Variants in DMXL2 observed in about 807,000 individuals in gnomAD.
The protein encoded by DMXL2 is Dmx like 2.
A neutral mutation model predicts 331.1 loss-of-function variants in DMXL2; 103 were observed. That is an observed-to-expected ratio of 0.31 (90% confidence interval 0.27 to 0.37). DMXL2 has a LOEUF of 0.37. Ranked by LOEUF, DMXL2 falls within the 10% of genes least tolerant of loss-of-function variation. The probability of loss-of-function intolerance (pLI) is 1.00; values close to 1 mark genes in which losing one functional copy is unlikely to be tolerated. For missense variants in DMXL2, 3,171 were observed against 3,642.9 expected (o/e 0.87, Z 3.33); for synonymous variants, 1,281 against 1,252.1 (o/e 1.02, Z -0.49).
At chr15:51,455,108 A>G in intron 40 of DMXL2, 43 bp downstream of exon 40, 2 of 1,440,958 alleles carry the variant, frequency 1.4e-6, no homozygotes, top group East Asian at 4.5e-5. Flanking sequence ...TCATGAACAA[A>G]GTGTTGTGTA....
intron 22 of DMXL2, among the ~76,000 whole-genome samples, chr15:51,487,143 C>CAGCT (rs2042451683): frequency 6.6e-6 from 1 of 152,144 alleles, no homozygotes; most frequent in African/African-American, 2.4e-5. Flanking sequence ...CTCTCATAAT[C>CAGCT]AGCTGCTAGG....
intron 13 of DMXL2, among the ~76,000 whole-genome samples, chr15:51,519,386 G>T (rs2047213981): frequency 6.6e-6 from 1 of 151,914 alleles, no homozygotes; most frequent in Admixed American, 6.6e-5. Flanking sequence ...CCAAAGCACT[G>T]GGATTACAGG....
At chr15:51,514,065 A>T (rs368400519) in intron 15 of DMXL2, among the ~76,000 whole-genome samples, 25 of 152,278 alleles carry the variant, frequency 1.6e-4, no homozygotes, top group African/African-American at 6.0e-4. Context: ...TCTTATATTC[A>T]TCATTGGTCT....
rs932787570 is a variant in DMXL2 at position 51,605,686 on chromosome 15, G to GGCGCCCGCCACC, written c.87+16761_87+16772dup. Among the ~76,000 whole-genome samples the GGCGCCCGCCACC allele has an allele frequency of 3.9e-3, 398 of 101,424 alleles. 109 individuals are homozygous for GGCGCCCGCCACC. The highest frequency in any genetic ancestry group is 0.024 in the Middle Eastern group (5 of 210). 66.5% of individuals were successfully genotyped at this position (101,424 alleles called of 152,430 possible). ...AGCCTCCCCAGTAGCTGGGACTACA[G>GGCGCCCGCCACC]GCGCCCGCCACCGCGCCCGGCTAAT... On this transcript the variant is annotated intron_variant, in intron 1 of 43. Coordinates refer to ENST00000560891, the MANE Select transcript of DMXL2 (RefSeq NM_001378457.1).
intron 13 of DMXL2, among the ~76,000 whole-genome samples, chr15:51,518,580 TA>T (rs913838914): frequency 3.9e-5 from 6 of 152,300 alleles, no homozygotes; most frequent in African/African-American, 1.4e-4. Flanking sequence ...ATGCGTATAT[TA>T]AAGTTTAAGA....
intron 2 of DMXL2, 40 bp downstream of exon 2, chr15:51,576,016 A>G (rs1354156391): frequency 6.4e-7 from 1 of 1,558,254 alleles, no homozygotes; most frequent in Non-Finnish European, 8.7e-7. Flanking sequence ...TATTAAACAC[A>G]TTTTTAAATG....
At chr15:51,617,219 A>G (rs926330376) in intron 1 of DMXL2, among the ~76,000 whole-genome samples, 2 of 152,220 alleles carry the variant, frequency 1.3e-5, no homozygotes, top group African/African-American at 4.8e-5. Flanking sequence ...AATATTTTAA[A>G]TAGCCCAAAT....
rs1054418131 is a variant in DMXL2 at position 51,456,180 on chromosome 15, A to C, written c.8412T>G (p.Ala2804=). Reference sequence around the variant, plus strand: ...CAAACATTCGTACACTGCCGTCCTGAGCACCTGTAAGATCTGAAACACAAG... The same window carrying C: ...CAAACATTCGTACACTGCCGTCCTGCGCACCTGTAAGATCTGAAACACAAG... ...HPVHQYYLTG[A]QDGSVRMFEW... The change falls in exon 39 of 44, where the codon GCT becomes GCG. Residue 2804 remains alanine, a synonymous_variant. Transcript: ENST00000560891. 4 of 1,613,292 alleles carry C rather than the reference A, an allele frequency of 2.5e-6. No individual in the cohort carries two copies. Among genetic ancestry groups the C allele is most frequent in the African/African-American group, 2.7e-5 (2 of 74,874 alleles).
chr15:51,458,842 T>C (rs751043427), intron 34 of DMXL2, 47 bp from the exon 35 acceptor site: 1 of 1,469,612 alleles, frequency 6.8e-7, no homozygotes, highest in Non-Finnish European at 9.5e-7. Context: ...CACAGCTCTA[T>C]TTAGAGTTAT....
intron 1 of DMXL2, among the ~76,000 whole-genome samples, chr15:51,610,932 A>G (rs988273361): frequency 1.3e-5 from 2 of 152,160 alleles, no homozygotes; most frequent in Admixed American, 6.5e-5. Flanking sequence ...ATTTACTTCC[A>G]AATTACTTAT....
At chr15:51,558,952 T>A (rs1438364281) in intron 6 of DMXL2, among the ~76,000 whole-genome samples, 1 of 152,240 alleles carries the variant, frequency 6.6e-6, no homozygotes, top group Non-Finnish European at 1.5e-5. Context: ...ATGCTACGTA[T>A]TTTATTTTAT....
chr15:51,465,833 A>G (rs1429135344), intron 30 of DMXL2, among the ~76,000 whole-genome samples, 182 bp from the exon 31 acceptor site: 1 of 152,202 alleles, frequency 6.6e-6, no homozygotes, highest in Non-Finnish European at 1.5e-5. Flanking sequence ...GCAATACTAT[A>G]TTACACTTGC....
chr15:51,587,205 A>G (rs1457529014), intron 1 of DMXL2, among the ~76,000 whole-genome samples: 1 of 152,240 alleles, frequency 6.6e-6, no homozygotes, highest in Non-Finnish European at 1.5e-5. Flanking sequence ...TTTAGGGTAC[A>G]TGTGCACAAC....
intron 20 of DMXL2, among the ~76,000 whole-genome samples, chr15:51,490,858 G>T (rs559607707): frequency 9.9e-5 from 15 of 152,268 alleles, no homozygotes; most frequent in Non-Finnish European, 2.2e-4. Flanking sequence ...TATCCAATGA[G>T]ATTTCAAGTG....
chr15:51,611,160 A>G (rs1183164404), intron 1 of DMXL2, among the ~76,000 whole-genome samples: 1 of 152,112 alleles, frequency 6.6e-6, no homozygotes, highest in Non-Finnish European at 1.5e-5. Flanking sequence ...AGTATATAAC[A>G]GAGAGAAGTG....
chr15:51,562,692 A>G (rs1306645713), intron 6 of DMXL2, among the ~76,000 whole-genome samples: 2 of 152,218 alleles, frequency 1.3e-5, no homozygotes, highest in African/African-American at 4.8e-5. Flanking sequence ...TACTATCTCC[A>G]AAGTAATTAC....
chr15:51,522,496 T>C (rs1489778301), intron 13 of DMXL2, among the ~76,000 whole-genome samples: 1 of 152,024 alleles, frequency 6.6e-6, no homozygotes, highest in African/African-American at 2.4e-5. Flanking sequence ...ATACAAAAAT[T>C]AGCTGGGCAT....
intron 1 of DMXL2, among the ~76,000 whole-genome samples, chr15:51,598,460 T>C (rs2052991501): frequency 6.6e-6 from 1 of 152,200 alleles, no homozygotes; most frequent in Non-Finnish European, 1.5e-5. Flanking sequence ...TACTATTATC[T>C]ATAGAGCTTA....
rs777263421 is a variant in DMXL2, at chr15:51,449,169, G to A, written c.8992C>T (p.Leu2998=). The change falls in exon 44 of 44, where the codon CTA becomes TTA. Residue 2998 remains leucine (L), a synonymous_variant. Transcript: ENST00000560891. ...TGTTCACTTTTAAATGAATGAATTA[G>A]GCCATGGCCTGTCAATCTCCAAACC... The part of the protein sequence containing the change: ...IKVWRLTGHG[L]IHSFKSEHAK... 2.5e-6 allele frequency: 4 copies of A among 1,613,918 alleles called. No individual in the cohort carries two copies. The highest frequency in any genetic ancestry group is 3.4e-6 in the Non-Finnish European group (4 of 1,179,980).
Sources: allele counts gnomAD v4.1 joint callset (sites outside exome capture counted in the v4.1 genomes callset), GRCh38; gene constraint gnomAD v4.1.1; transcripts MANE v1.5; gene names NCBI Gene and HGNC (gene_info 2026-07-23, HGNC 2026-07-21).